Variants in NMRK1 observed in about 807,000 individuals in gnomAD.
The protein encoded by NMRK1 is nicotinamide riboside kinase 1.
NMRK1 carries 28 observed loss-of-function variants against 29.9 expected under a neutral mutation model. The ratio of observed to expected loss-of-function variants is 0.94; its 90% CI spans 0.69 to 1.28. The LOEUF is 1.28. Ranked by LOEUF, NMRK1 falls within the 50% of genes most tolerant of loss-of-function variation. NMRK1 has a pLI of 0.00. For synonymous variants in NMRK1, 58 were observed against 73.0 expected (o/e 0.79, Z 1.05); for missense variants, 218 against 233.1 (o/e 0.94, Z 0.42).
At chr9:75,075,652 T>A (rs2118150569) in intron 4 of NMRK1, among the ~76,000 whole-genome samples, 1 of 152,344 alleles carries the variant, frequency 6.6e-6, no homozygotes, top group East Asian at 1.9e-4. Context: ...TAGGCTGTAA[T>A]CCTTTGGCTT....
intron 2 of NMRK1, among the ~76,000 whole-genome samples, chr9:75,079,720 T>C (rs2118210872): frequency 6.6e-6 from 1 of 151,386 alleles, no homozygotes; most frequent in African/African-American, 2.4e-5. Context: ...CGGAAAGGAA[T>C]AGGAACCTTC....
chr9:75,072,125 C>T (rs1311620830), intron 4 of NMRK1, among the ~76,000 whole-genome samples: 3 of 152,196 alleles, frequency 2.0e-5, no homozygotes, highest in African/African-American at 7.2e-5. Flanking sequence ...TGGTAGGCCA[C>T]CCTTTTCCTT....
chr9:75,083,925 T>C (rs368015063), intron 1 of NMRK1, among the ~76,000 whole-genome samples: 50 of 152,306 alleles, frequency 3.3e-4, no homozygotes, highest in African/African-American at 1.2e-3. Context: ...AAGAATGAAA[T>C]TCCCTTTTAT....
At chr9:75,070,847 T>C (rs1309440569) in intron 4 of NMRK1, among the ~76,000 whole-genome samples, 1 of 152,230 alleles carries the variant, frequency 6.6e-6, no homozygotes, top group Non-Finnish European at 1.5e-5. Context: ...TAGGAAATTG[T>C]CAATTTCACC....
At chr9:75,084,512 G>C (rs1486933425) in intron 1 of NMRK1, among the ~76,000 whole-genome samples, 2 of 152,220 alleles carry the variant, frequency 1.3e-5, no homozygotes, top group African/African-American at 4.8e-5. Context: ...ATAGCAGCAG[G>C]GCACTGTGGC....
intron 4 of NMRK1, among the ~76,000 whole-genome samples, chr9:75,070,957 G>A (rs1156489657): frequency 6.6e-6 from 1 of 150,478 alleles, no homozygotes; most frequent in African/African-American, 2.4e-5. Context: ...TTTTGCTTTT[G>A]GTATTTGTAA....
At chr9:75,087,563 T>C (rs929162089) in intron 1 of NMRK1, 18 of 151,930 alleles carry the variant, frequency 1.2e-4, no homozygotes, top group African/African-American at 4.4e-4. Flanking sequence ...CATGTAATTT[T>C]CACGTGTCAC....
intron 4 of NMRK1, among the ~76,000 whole-genome samples, chr9:75,075,822 G>A (rs553535027): frequency 6.6e-6 from 1 of 152,152 alleles, no homozygotes; most frequent in East Asian, 1.9e-4. Flanking sequence ...GTTTGCTCCA[G>A]GCAAAATTCT....
At chr9:75,080,648 A>C (rs1184897886) in intron 2 of NMRK1, among the ~76,000 whole-genome samples, 1 of 152,162 alleles carries the variant, frequency 6.6e-6, no homozygotes, top group Non-Finnish European at 1.5e-5. Flanking sequence ...ACTCTGTCTC[A>C]AAAAAGAAAT....
chr9:75,069,260 G>A (rs73544548), intron 6 of NMRK1, 158 bp from the exon 7 acceptor site: 12,095 of 564,152 alleles, frequency 0.021, 204 homozygotes, highest in African/African-American at 0.037. Context: ...CAGTTAGAAC[G>A]ACAGTAACAT....
Position 75,065,479 on chromosome 9 carries a change from A to T in NMRK1, c.580+1278T>A, listed in dbSNP as rs188733968. 8.6e-5 allele frequency among the ~76,000 whole-genome samples: 13 copies of T among 151,950 alleles called. No homozygotes were observed. The East Asian group carries it at 1.9e-3, about 23-fold the overall frequency. On this transcript the variant is annotated intron_variant, in intron 8 of 8. Coordinates refer to ENST00000361092, the MANE Select transcript of NMRK1 (RefSeq NM_017881.3). ...CCACTGTGCTTGGTAGCTAATTTTT[A>T]AAAAATTTTAATTTTTGTAGAAATG...
At chr9:75,066,591 CA>C (rs537608554) in intron 8 of NMRK1, among the ~76,000 whole-genome samples, 165 bp downstream of exon 8, 2 of 58,318 alleles carry the variant, frequency 3.4e-5, no homozygotes, top group Admixed American at 2.2e-4. Context: ...ATTGAGTCTC[CA>C]AACCCCCCCC....
chr9:75,061,474 T>C lies in NMRK1; in HGVS notation c.*74A>G. The C allele has an allele frequency of 1.8e-6, 2 of 1,106,246 alleles. No homozygotes were observed. The highest frequency in any genetic ancestry group is 1.3e-5 in the South Asian group (1 of 75,844). 68.5% of individuals were successfully genotyped at this position (1,106,246 alleles called of 1,614,324 possible). On this transcript the variant is annotated 3_prime_UTR_variant, in exon 9 of 9. Transcript: ENST00000361092. ...TCATTGTACCACAGTATACATTGTA[T>C]CTTGGTGAAGGTTCTTAAATTACTC...
chr9:75,078,306 C>G (rs757530076), intron 2 of NMRK1: 35 of 1,559,438 alleles, frequency 2.2e-5, no homozygotes, highest in Non-Finnish European at 2.7e-5. Flanking sequence ...AGAGGAGTGG[C>G]TTATTACAAG....
chr9:75,074,052 TC>T (rs1823849723), intron 4 of NMRK1, among the ~76,000 whole-genome samples: 1 of 152,158 alleles, frequency 6.6e-6, no homozygotes, highest in African/African-American at 2.4e-5. Flanking sequence ...CTTATACATA[TC>T]CTTTTTCTTT....
rs372770869 is a variant in NMRK1 at position 75,069,936 on chromosome 9, A to C, written c.276T>G (p.Ile92Met). 14 of 1,613,844 alleles carry C rather than the reference A, an allele frequency of 8.7e-6. No individual in the cohort carries two copies. In the African/African-American group the frequency reaches 1.6e-4, roughly 18 times the overall value. The change falls in exon 5 of 9, where the codon ATT (isoleucine) becomes ATG (methionine). Residue 92 changes from isoleucine (I) to methionine (M), a missense_variant. Physicochemically the swap from Ile to Met is conservative, Grantham distance 10 (BLOSUM62 1). Transcript: ENST00000361092. ...VSTDQESAEE[I>M]PILIIEGFLL... ...GAAAACCTTCGATGATTAAAATGGG[A>C]ATTTCCTCAGCACTTTCCTGGTCTG...
chr9:75,066,218 T>C, intron 8 of NMRK1: 2 of 510,086 alleles, frequency 3.9e-6, no homozygotes, highest in South Asian at 2.9e-5. Flanking sequence ...GAAGCCACCA[T>C]TACCCCTGTA....
At position 75,077,188 on chromosome 9, in the gene NMRK1, G is replaced by T; in HGVS notation, c.140C>A (p.Thr47Lys). The T allele has an allele frequency of 6.3e-7, 1 of 1,595,810 alleles. No homozygotes were observed. Among genetic ancestry groups the T allele is most frequent in the South Asian group, 1.1e-5 (1 of 89,776 alleles). The change falls in exon 4 of 9, where the codon ACA becomes AAA. Residue 47 changes from threonine to lysine, a missense_variant. Transcript: ENST00000361092. ...DFFKPESEIE[T>K]DKNGFLQYDV... ...GTACTGCAAAAATCCATTTTTATCT[G>T]TCTCTATCTCAGACTCTGGCTGGAA...
At chr9:75,066,090 T>C (rs1211543889) in intron 8 of NMRK1, among the ~76,000 whole-genome samples, 6 of 152,160 alleles carry the variant, frequency 3.9e-5, no homozygotes, top group East Asian at 3.8e-4. Flanking sequence ...TGCAAATTAT[T>C]TTTGTGAAAA....
Sources: gnomAD v4.1 joint callset for allele counts (sites outside exome capture counted in the v4.1 genomes callset) on GRCh38, gnomAD v4.1.1 for gene constraint, MANE v1.5 for transcripts, NCBI Gene and HGNC (gene_info 2026-07-23, HGNC 2026-07-21) for gene names.